The following BPIFB3 variants were observed in gnomAD, a reference collection of about 807,000 sequenced individuals.
The protein encoded by BPIFB3 is BPI fold containing family B member 3, also known as BPI fold-containing family B member 3.
In BPIFB3, 49 loss-of-function variants were observed where a neutral mutation model predicts 53.1. That is an observed-to-expected ratio of 0.92 (90% CI 0.73 to 1.17). The LOEUF is 1.17. Among genes scored for constraint, BPIFB3 ranks in the 50% most tolerant of loss-of-function variants. BPIFB3 has a pLI of 0.00. For synonymous variants in BPIFB3, 271 were observed against 269.6 expected, an observed-to-expected ratio of 1.01 and a Z score of -0.05; for missense variants, 628 against 592.5, an observed-to-expected ratio of 1.06 and a Z score of -0.62.
chr20:33,062,730 C>T (rs1980508969), intron 5 of BPIFB3, among the ~76,000 whole-genome samples: 1 of 152,220 alleles, frequency 6.6e-6, no homozygotes, highest in South Asian at 2.1e-4. Context: ...TTCTGTTTTG[C>T]AATCAGCCAT....
chr20:33,072,280 G>T, intron 13 of BPIFB3, 113 bp downstream of exon 14: 1 of 1,162,002 alleles, frequency 8.6e-7, no homozygotes, highest in Non-Finnish European at 1.3e-6. Context: ...GAGAGAGGTC[G>T]ATCCTCATTT....
chr20:33,055,365 A>C, upstream of BPIFB3: 1 of 1,595,026 alleles, frequency 6.3e-7, no homozygotes, highest in Non-Finnish European at 8.5e-7. Context: ...GGGAACAGAG[A>C]GGGGAAAGGC....
chr20:33,071,272 TC>T lies in BPIFB3; in HGVS notation c.1239del (p.Ser414ProfsTer11). 6.4e-7 allele frequency: 1 copy of T among 1,565,470 alleles called. No homozygotes were observed. The highest frequency in any genetic ancestry group is 1.2e-5 in the South Asian group (1 of 84,908). ...CACCAGGCTCAGTGTCAAGGTGGCC[TC>T]CTCCTTTACCCATGCCTTTGACGTA... On this transcript the variant is annotated frameshift_variant, in exon 12 of 15. Transcript: ENST00000375494. LOFTEE classifies it high-confidence loss of function.
At chr20:33,069,157 A>C (rs1436163591) in intron 10 of BPIFB3, among the ~76,000 whole-genome samples, 184 bp downstream of exon 11, 1 of 151,982 alleles carries the variant, frequency 6.6e-6, no homozygotes, top group South Asian at 2.1e-4. Flanking sequence ...CCCCTGCTTC[A>C]GTTCCTGCCT....
In BPIFB3 at chr20:33,072,809, A is replaced by G; in HGVS notation, c.1401+16A>G. ...GATCGTAGAGGTGAGCCTTCTCTGCAGATACGGCCCAGGTGGGCCTTAAGC... is the reference window on the plus strand; with the variant it reads ...GATCGTAGAGGTGAGCCTTCTCTGCGGATACGGCCCAGGTGGGCCTTAAGC... On this transcript the variant is annotated intron_variant, in intron 14 of 14. Coordinates refer to ENST00000375494, the Ensembl canonical transcript of BPIFB3. 6.3e-7 allele frequency: 1 copy of G among 1,598,416 alleles called. No homozygotes were observed.
intron 8 of BPIFB3, among the ~76,000 whole-genome samples, chr20:33,065,967 G>A (rs2146388169): frequency 6.6e-6 from 1 of 152,382 alleles, no homozygotes; most frequent in South Asian, 2.1e-4. Flanking sequence ...CTGCGTGTAA[G>A]AACGTGCATG....
At chr20:33,064,963 G>C in intron 8 of BPIFB3, 118 bp downstream of exon 9, 2 of 1,156,510 alleles carry the variant, frequency 1.7e-6, no homozygotes, top group Non-Finnish European at 2.4e-6. Context: ...TATAATAAAA[G>C]GGAGTTGAAC....
rs1980770854 is a variant in BPIFB3, at chr20:33,068,863, C to T, written c.1039C>T (p.Pro347Ser). The change falls in exon 10 of 15, where the codon CCC becomes TCC. Residue 347 changes from proline (P) to serine (S), a missense_variant. Transcript: ENST00000375494. ...ACTGTTCCTGCGGGTGAGGGAAGCT[C>T]CCACGGTCACACTCCACAACAAGAA... 1 of 1,614,008 alleles carries T rather than the reference C, an allele frequency of 6.2e-7. No homozygotes were observed. The highest frequency in any genetic ancestry group is 8.5e-7 in the Non-Finnish European group (1 of 1,179,918).
intron 5 of BPIFB3, among the ~76,000 whole-genome samples, chr20:33,063,388 T>C (rs1353124113): frequency 1.3e-5 from 2 of 152,104 alleles, no homozygotes; most frequent in Non-Finnish European, 2.9e-5. Context: ...CTAATGGGGC[T>C]CTTGTAACCA....
At chr20:33,063,402 G>A (rs1980533091) in intron 5 of BPIFB3, among the ~76,000 whole-genome samples, 1 of 152,166 alleles carries the variant, frequency 6.6e-6, no homozygotes, top group Non-Finnish European at 1.5e-5. Context: ...GTAACCAAGG[G>A]AAGACAGCTT....
At chr20:33,053,975 C>A (rs1980089883), upstream of BPIFB3, among the ~76,000 whole-genome samples, 1 of 152,124 alleles carries the variant, frequency 6.6e-6, no homozygotes, top group South Asian at 2.1e-4. Flanking sequence ...GGTAAGACAG[C>A]CTGAGGCAGC....
chr20:33,059,348 G>T (rs888464728), intron 2 of BPIFB3, 30 bp from the exon 4 acceptor site: 4 of 1,560,566 alleles, frequency 2.6e-6, no homozygotes, highest in South Asian at 1.2e-5. Context: ...GTCTGGGAGT[G>T]AGCAACCCTC....
At chr20:33,058,401 A>T (rs571077868) in intron 2 of BPIFB3, among the ~76,000 whole-genome samples, 42 of 152,276 alleles carry the variant, frequency 2.8e-4, no homozygotes, top group Admixed American at 2.5e-3. Context: ...CAGCACTGTG[A>T]CTAGCCCAAG....
exon 3 of BPIFB3, chr20:33,059,392 A>C: frequency 1.2e-6 from 2 of 1,611,456 alleles, no homozygotes; most frequent in Middle Eastern, 3.4e-4. Context: ...AAGATTGAGG[A>C]GCTCACGCTG....
chr20:33,070,997 G>A (rs181753676), intron 11 of BPIFB3, among the ~76,000 whole-genome samples: 162 of 152,282 alleles, frequency 1.1e-3, no homozygotes, highest in African/African-American at 3.7e-3. Flanking sequence ...CCTGCCCAGG[G>A]TCAAATAGCT....
intron 5 of BPIFB3, among the ~76,000 whole-genome samples, chr20:33,063,234 C>T (rs1568994292): frequency 6.6e-6 from 1 of 152,170 alleles, no homozygotes; most frequent in Non-Finnish European, 1.5e-5. Flanking sequence ...TTCCCAGTGC[C>T]CACGTAGAAT....
Position 33,056,714 on chromosome 20 carries a change from T to C in BPIFB3, c.281+16T>C, listed in dbSNP as rs408538. On this transcript the variant is annotated intron_variant, in intron 2 of 14. Coordinates refer to ENST00000375494, the Ensembl canonical transcript of BPIFB3. ...AGCTCTCTGGGTGAGTCCCACCTGC[T>C]GCATGCCCTACAGGAAGACTTGGCT... is the stretch of plus-strand genomic sequence containing the variant. The C allele has an allele frequency of 0.54, 839,273 of 1,551,366 alleles. 231,987 individuals carry two copies. The highest frequency in any genetic ancestry group is 0.81 in the East Asian group (35,271 of 43,760).
At chr20:33,066,844 G>T (rs138544042) in exon 9 of BPIFB3, 2 of 1,614,084 alleles carry the variant, frequency 1.2e-6, no homozygotes, top group African/African-American at 2.7e-5. Context: ...ATGTCCCACT[G>T]ACAACTACAG....
chr20:33,072,773 T>G, exon 14 of BPIFB3: 1 of 1,613,570 alleles, frequency 6.2e-7, no homozygotes. Flanking sequence ...TTTTTCCAAT[T>G]CAGTTCTGGA....
Sources: gnomAD v4.1 joint callset for allele counts (sites outside exome capture counted in the v4.1 genomes callset) on GRCh38, gnomAD v4.1.1 for gene constraint, MANE v1.5 for transcripts, NCBI Gene and HGNC (gene_info 2026-07-23, HGNC 2026-07-21) for gene names.